Variants in MIB1 observed in about 807,000 individuals in gnomAD.
The protein encoded by MIB1 is E3 ubiquitin-protein ligase MIB1.
Under a neutral mutation model 124.5 loss-of-function variants are expected in MIB1, and 278 were observed. The ratio of observed to expected loss-of-function variants is 2.23; its 90% CI spans 2.02 to 2.47. MIB1 has a LOEUF of 2.47. Ranked by LOEUF, MIB1 falls within the 30% of genes most tolerant of loss-of-function variation. The probability of loss-of-function intolerance (pLI) is 0.00; values close to 1 mark genes in which losing one functional copy is unlikely to be tolerated. For missense variants in MIB1, 957 were observed against 1,254.4 expected (o/e 0.76, Z 3.58); for synonymous variants, 446 against 429.4 (o/e 1.04, Z -0.48).
chr18:21,734,264 G>A (rs990568045), intron 1 of MIB1, among the ~76,000 whole-genome samples: 14 of 151,214 alleles, frequency 9.3e-5, no homozygotes, highest in African/African-American at 3.4e-4. Context: ...CCGCCACCAC[G>A]CCCGGCTATT....
At chr18:21,737,261 A>G (rs913447364), upstream of MIB1, among the ~76,000 whole-genome samples, 51 of 152,344 alleles carry the variant, frequency 3.3e-4, no homozygotes, top group Admixed American at 2.2e-3. Flanking sequence ...TTCAACCCAC[A>G]ATTTCATATC....
intron 1 of MIB1, among the ~76,000 whole-genome samples, chr18:21,764,918 G>T (rs1250118149): frequency 6.6e-6 from 1 of 152,040 alleles, no homozygotes; most frequent in African/African-American, 2.4e-5. Flanking sequence ...TGACCATCCA[G>T]GATGTGTTTA....
chr18:21,843,443 A>G (rs2042109236), intron 14 of MIB1, among the ~76,000 whole-genome samples: 1 of 152,212 alleles, frequency 6.6e-6, no homozygotes, highest in Non-Finnish European at 1.5e-5. Flanking sequence ...GCTCTTCAGT[A>G]AGTATCGTAG....
intron 8 of MIB1, among the ~76,000 whole-genome samples, chr18:21,798,456 C>T (rs1312001375): frequency 6.6e-6 from 1 of 152,032 alleles, no homozygotes; most frequent in African/African-American, 2.4e-5. Context: ...TGGAGAAGTT[C>T]CATAAAATGT....
At chr18:21,808,334 T>A (rs1475834240) in intron 10 of MIB1, among the ~76,000 whole-genome samples, 1 of 152,180 alleles carries the variant, frequency 6.6e-6, no homozygotes, top group Non-Finnish European at 1.5e-5. Context: ...TGTAAAGTAT[T>A]GTTGAAACAC....
intron 18 of MIB1, among the ~76,000 whole-genome samples, chr18:21,855,443 AAC>A (rs1275236380): frequency 6.6e-6 from 1 of 152,248 alleles, no homozygotes; most frequent in Non-Finnish European, 1.5e-5. Context: ...AACTGAACTA[AAC>A]AGTTAATTTT....
chr18:21,788,530 T>C (rs2041463385), intron 6 of MIB1, among the ~76,000 whole-genome samples: 1 of 152,244 alleles, frequency 6.6e-6, no homozygotes, highest in African/African-American at 2.4e-5. Context: ...GATGAAAGAC[T>C]GAATACTTAC....
At chr18:21,843,594 T>C (rs1183667555) in intron 14 of MIB1, among the ~76,000 whole-genome samples, 2 of 152,250 alleles carry the variant, frequency 1.3e-5, no homozygotes, top group Non-Finnish European at 2.9e-5. Flanking sequence ...TTCGTATTTA[T>C]TGTTATTTGA....
At chr18:21,817,467 C>T (rs549683114) in intron 11 of MIB1, among the ~76,000 whole-genome samples, 1 of 152,268 alleles carries the variant, frequency 6.6e-6, no homozygotes, top group East Asian at 1.9e-4. Flanking sequence ...CTGGGATTAG[C>T]AAACATTTTC....
intron 6 of MIB1, among the ~76,000 whole-genome samples, chr18:21,784,376 A>G (rs887741118): frequency 6.6e-6 from 1 of 152,126 alleles, no homozygotes; most frequent in African/African-American, 2.4e-5. Context: ...TTTATCTACT[A>G]TACGTTTTTT....
intron 9 of MIB1, among the ~76,000 whole-genome samples, chr18:21,800,218 A>T (rs1568207227): frequency 6.6e-6 from 1 of 152,046 alleles, no homozygotes; most frequent in Admixed American, 6.6e-5. Flanking sequence ...TGGTTTTTAA[A>T]GACTAGTATC....
intron 10 of MIB1, among the ~76,000 whole-genome samples, chr18:21,808,626 G>A (rs948625899): frequency 6.6e-6 from 1 of 152,070 alleles, no homozygotes; most frequent in Admixed American, 6.5e-5. Flanking sequence ...ACCTCAAAGA[G>A]CTCTTTTGGA....
intron 17 of MIB1, among the ~76,000 whole-genome samples, chr18:21,850,728 ATTAAATAGGTG>A (rs1246375633): frequency 6.6e-6 from 1 of 152,194 alleles, no homozygotes. Context: ...TTTCATTTGT[ATTAAATAGGTG>A]TTAACCCTGC....
chr18:21,733,339 T>TG (rs1198188695), intron 1 of MIB1, among the ~76,000 whole-genome samples: 1 of 152,186 alleles, frequency 6.6e-6, no homozygotes, highest in African/African-American at 2.4e-5. Context: ...CCTACAGCCT[T>TG]GAACTCCTAG....
rs775557256 is a variant in MIB1 at position 21,741,632 on chromosome 18, C to T, written c.49C>T (p.Arg17Trp). The T allele has an allele frequency of 6.2e-7, 1 of 1,607,700 alleles. No homozygotes were observed. The highest frequency in any genetic ancestry group is 8.5e-7 in the Non-Finnish European group (1 of 1,178,016). Reference protein sequence around the residue: ...NRVMVEGVGARVVRGPDWKWG... With the variant: ...NRVMVEGVGAWVVRGPDWKWG... Reference sequence around the variant, plus strand: ...GGTGATGGTGGAAGGGGTTGGCGCTCGGGTAGTGCGCGGCCCGGACTGGAA... The same window carrying T: ...GGTGATGGTGGAAGGGGTTGGCGCTTGGGTAGTGCGCGGCCCGGACTGGAA... The change falls in exon 1 of 21, where the codon CGG becomes TGG. Residue 17 changes from arginine (R) to tryptophan (W), a missense_variant. By Grantham distance (101) the Arg-to-Trp change is moderately radical. Coordinates refer to ENST00000261537, the MANE Select transcript of MIB1 (RefSeq NM_020774.4). The surrounding 1 kb of genome is among the most constrained non-coding windows in gnomAD (Gnocchi z 5.4).
chr18:21,814,064 C>T (rs2041803058), intron 10 of MIB1, among the ~76,000 whole-genome samples: 1 of 152,054 alleles, frequency 6.6e-6, no homozygotes, highest in African/African-American at 2.4e-5. Context: ...GGCAGTTTTT[C>T]CCCTTTATAA....
intron 4 of MIB1, among the ~76,000 whole-genome samples, chr18:21,777,308 T>C (rs1191366472): frequency 6.6e-6 from 1 of 151,738 alleles, no homozygotes; most frequent in African/African-American, 2.4e-5. Context: ...AATACCCAGT[T>C]GCTCAGGTGA....
At chr18:21,814,977 A>G (rs1327700868) in intron 10 of MIB1, among the ~76,000 whole-genome samples, 1 of 134,170 alleles carries the variant, frequency 7.5e-6, no homozygotes, top group Admixed American at 7.7e-5. Context: ...CATGGCTGAT[A>G]AATGAGGAAT....
At chr18:21,787,211 C>T in intron 6 of MIB1, among the ~76,000 whole-genome samples, 1 of 152,084 alleles carries the variant, frequency 6.6e-6, no homozygotes, top group Non-Finnish European at 1.5e-5. Flanking sequence ...CTCTGTTCAT[C>T]CTGAATTGGG....
Sources: allele counts gnomAD v4.1 joint callset (sites outside exome capture counted in the v4.1 genomes callset), GRCh38; gene constraint gnomAD v4.1.1; non-coding constraint Gnocchi (gnomAD v3.1); transcripts MANE v1.5; gene names NCBI Gene and HGNC (gene_info 2026-07-23, HGNC 2026-07-21).